The following RPAIN variants were observed in gnomAD, a reference collection of about 807,000 sequenced individuals.
RPAIN encodes RPA interacting protein.
A neutral mutation model predicts 30.5 loss-of-function variants in RPAIN; 29 were observed. The observed-to-expected ratio is 0.95, with a 90% CI of 0.71 to 1.30. RPAIN has a LOEUF of 1.30. Among genes scored for constraint, RPAIN ranks in the 50% most tolerant of loss-of-function variants. RPAIN has a pLI of 0.00. For missense variants in RPAIN, 247 were observed against 264.7 expected, an observed-to-expected ratio of 0.93 and a Z score of 0.46; for synonymous variants, 101 against 93.5, an observed-to-expected ratio of 1.08 and a Z score of -0.46.
chr17:5,423,218 G>T (rs1005227892), intron 3 of RPAIN: 1 of 167,196 alleles, frequency 6.0e-6, no homozygotes, highest in Admixed American at 6.1e-5. Context: ...CTATTAATGG[G>T]TTAATAGTTC....
At chr17:5,425,653 G>A (rs1362854291) in intron 3 of RPAIN, among the ~76,000 whole-genome samples, 2 of 136,970 alleles carry the variant, frequency 1.5e-5, no homozygotes, top group South Asian at 6.0e-4. Context: ...AGTTCTCTTT[G>A]TCAACTTTAT....
intron 3 of RPAIN, chr17:5,425,168 AGACT>A: frequency 2.6e-6 from 1 of 379,140 alleles, no homozygotes; most frequent in Non-Finnish European, 5.2e-6. Flanking sequence ...CCTAATGTCT[AGACT>A]GTGAGCTCAA....
chr17:5,425,213 T>C, intron 3 of RPAIN: 1 of 421,848 alleles, frequency 2.4e-6, no homozygotes. Flanking sequence ...TTTGTGCCCC[T>C]GTGACTAGCA....
intron 5 of RPAIN, 169 bp from the exon 6 acceptor site, chr17:5,427,902 G>T (rs1472680632): frequency 1.0e-5 from 7 of 681,662 alleles, no homozygotes; most frequent in Non-Finnish European, 1.6e-5. Flanking sequence ...GTTAAATGGA[G>T]ATGGGTTAAG....
chr17:5,422,814 G>C lies in RPAIN; in HGVS notation c.298G>C (p.Glu100Gln). 6.2e-7 allele frequency: 1 copy of C among 1,612,632 alleles called. No homozygotes were observed. Among genetic ancestry groups the C allele is most frequent in the Non-Finnish European group, 8.5e-7 (1 of 1,178,962 alleles). ...DMAVLEEIQQ[E>Q]LINQEQSIIS... ...GGCTGTGCTGGAGGAAATTCAACAG[G>C]AGCTGATCAACCAAGGTAACCCCTA... Residue 100 changes from glutamate to glutamine, a missense_variant, in exon 3 of 7, where the codon GAG becomes CAG. By Grantham distance (29) the Glu-to-Gln change is conservative (BLOSUM62 2). Transcript: ENST00000381209.
intron 5 of RPAIN, 172 bp downstream of exon 5, chr17:5,426,471 GA>G (rs2151666226): frequency 1.5e-6 from 1 of 660,664 alleles, no homozygotes; most frequent in East Asian, 2.7e-5. Flanking sequence ...TCTATGGCAT[GA>G]AAATTGGCAA....
chr17:5,425,181 A>G, intron 3 of RPAIN: 1 of 392,520 alleles, frequency 2.5e-6, no homozygotes, highest in South Asian at 1.9e-5. Flanking sequence ...CTGTGAGCTC[A>G]ACAATGACAG....
chr17:5,421,155 G>A lies in RPAIN; in HGVS notation c.82-141G>A, dbSNP rs1914759066. On this transcript the variant is annotated intron_variant, in intron 1 of 6. Coordinates refer to ENST00000381209, the MANE Select transcript of RPAIN (RefSeq NM_001033002.4). ...TTTATGTATCTCTACAGAGGAATAT[G>A]CAAAAGTAACACTAGTTAGTATTAT... The A allele has an allele frequency of 4.0e-6, 3 of 752,692 alleles. No individual in the cohort carries two copies. The East Asian group carries it at 8.2e-5, about 21-fold the overall frequency. The allele number at this position is 752,692 out of a possible 1,614,324, so 46.6% of individuals were successfully genotyped here.
In RPAIN at chr17:5,426,069, C is replaced by G; in HGVS notation, c.412C>G (p.Pro138Ala). Residue 138 changes from proline (P) to alanine (A), a missense_variant, in exon 4 of 7, where the codon CCT becomes GCT. Physicochemically the swap from Pro to Ala is conservative, Grantham distance 27. Transcript: ENST00000381209. ...GTGGGAGGCAAACCCACTCATCTGT[C>G]CTGTATGTACAAAGTAAGAGTTTTT... is the stretch of plus-strand genomic sequence containing the variant. Reference protein sequence around the residue: ...AEWEANPLICPVCTKYNLRIT... With the variant: ...AEWEANPLICAVCTKYNLRIT... 4 of 1,611,370 alleles carry G rather than the reference C, an allele frequency of 2.5e-6. No homozygotes were observed. The highest frequency in any genetic ancestry group is 2.5e-6 in the Non-Finnish European group (3 of 1,177,712).
At position 5,424,272 on chromosome 17, in the gene RPAIN, C is replaced by G. The variant is rs140361018; in HGVS notation, c.313+1443C>G. ...CCTCCTAAAGTTTTGAGATTACAGGCATGAGCCAAAATGCCTAGCCTAATT... is the reference window on the plus strand; with the variant it reads ...CCTCCTAAAGTTTTGAGATTACAGGGATGAGCCAAAATGCCTAGCCTAATT... On this transcript the variant is annotated intron_variant, in intron 3 of 6. Transcript: ENST00000381209. Among the ~76,000 whole-genome samples, 469 of 152,130 alleles carry G rather than the reference C, an allele frequency of 3.1e-3. 2 individuals carry two copies. Among genetic ancestry groups the G allele is most frequent in the African/African-American group, 0.011 (444 of 41,494 alleles).
intron 2 of RPAIN, among the ~76,000 whole-genome samples, chr17:5,422,240 AT>A (rs958388702): frequency 1.5e-4 from 23 of 152,348 alleles, no homozygotes; most frequent in African/African-American, 5.5e-4. Context: ...TAGTTTTCAC[AT>A]TTATAAAATG....
intron 6 of RPAIN, chr17:5,432,062 GCAGTTTTACACT>G: frequency 4.6e-6 from 1 of 215,670 alleles, no homozygotes; most frequent in South Asian, 7.5e-5. Flanking sequence ...GAGTCGGGAG[GCAGTTTTACACT>G]CAGGTGCTTA....
At chr17:5,425,879 C>T (rs3809842) in intron 3 of RPAIN, 92 bp from the exon 4 acceptor site, 232,474 of 767,418 alleles carry the variant, frequency 0.3, 43,146 homozygotes, top group East Asian at 0.81. Context: ...ATCTTTCCCT[C>T]GTGTGAAGGA....
Position 5,426,212 on chromosome 17 carries a change from C to CT in RPAIN, c.426-23dup, listed in dbSNP as rs1225991252. The CT allele has an allele frequency of 3.1e-6, 5 of 1,613,330 alleles. No homozygotes were observed. In the South Asian group the frequency reaches 3.3e-5, roughly 11 times the overall value. The stretch of plus-strand genomic sequence containing the variant: ...ATCCAGGTCTGGTGGCCATGATGCT[C>CT]TGGGATCCTAATTCTGCTTCTAGGT... On this transcript the variant is annotated intron_variant, in intron 4 of 6. Coordinates refer to ENST00000381209, the MANE Select transcript of RPAIN (RefSeq NM_001033002.4).
In RPAIN at chr17:5,428,099, G is replaced by A. The variant is rs1461881090; in HGVS notation, c.518G>A (p.Arg173His). The A allele has an allele frequency of 6.2e-6, 10 of 1,613,990 alleles. No individual in the cohort carries two copies. Among genetic ancestry groups the A allele is most frequent in the South Asian group, 3.3e-5 (3 of 91,074 alleles). ...HSSELTEQKL[R>H]ACLEGSINEH... ...TCTGAGTTGACAGAGCAGAAGCTTC[G>A]TGCCTGTTTAGAGGGTAGTATAAAT... The change falls in exon 6 of 7, where the codon CGT becomes CAT. Residue 173 changes from arginine (R) to histidine (H), a missense_variant. Coordinates refer to ENST00000381209, the MANE Select transcript of RPAIN (RefSeq NM_001033002.4).
At chr17:5,428,459 C>G (rs891196201) in intron 6 of RPAIN, 4 of 1,434,412 alleles carry the variant, frequency 2.8e-6, no homozygotes, top group Non-Finnish European at 3.6e-6. Flanking sequence ...CCTGGCTCCA[C>G]ACCTGCTCTT....
At chr17:5,420,317 C>G in intron 1 of RPAIN, 26 bp downstream of exon 1, 1 of 1,599,726 alleles carries the variant, frequency 6.3e-7, no homozygotes, top group Non-Finnish European at 8.6e-7. Context: ...GTGCAGTGGT[C>G]TACCCTAGAT....
chr17:5,427,692 A>T, intron 5 of RPAIN: 1 of 210,084 alleles, frequency 4.8e-6, no homozygotes, highest in East Asian at 1.1e-4. Flanking sequence ...TTACTGAGTT[A>T]CAGTAGGAAG....
At chr17:5,429,479 A>C (rs1435917219) in intron 6 of RPAIN, 5 of 984,830 alleles carry the variant, frequency 5.1e-6, no homozygotes, top group Non-Finnish European at 4.8e-6. Context: ...ATCTGGCCAA[A>C]ATTTTACTAC....
Sources: allele counts gnomAD v4.1 joint callset (sites outside exome capture counted in the v4.1 genomes callset), GRCh38; gene constraint gnomAD v4.1.1; transcripts MANE v1.5; gene names NCBI Gene and HGNC (gene_info 2026-07-23, HGNC 2026-07-21).